Variants in UGT1A8 observed in about 807,000 individuals in gnomAD.
UGT1A8 encodes UDP-glucuronosyltransferase 1A8.
A neutral mutation model predicts 45.3 loss-of-function variants in UGT1A8; 39 were observed. That is an observed-to-expected ratio of 0.86 (90% CI 0.67 to 1.12). The LOEUF is 1.12. Ranked by LOEUF, UGT1A8 falls within the 50% of genes most tolerant of loss-of-function variation. The pLI, the probability that UGT1A8 is intolerant of heterozygous loss-of-function variation, is 0.00. For synonymous variants in UGT1A8, 275 were observed against 249.2 expected (o/e 1.10, Z -0.97); for missense variants, 719 against 664.9 (o/e 1.08, Z -0.90).
chr2:233,618,555 T>C lies in UGT1A8; in HGVS notation c.848T>C (p.Leu283Ser). 6.2e-7 allele frequency: 1 copy of C among 1,613,102 alleles called. No individual in the cohort carries two copies. Among genetic ancestry groups the C allele is most frequent in the Non-Finnish European group, 8.5e-7 (1 of 1,179,178 alleles). ...ATCAACTGCCATCAGGGAAAGCCATTGCCTATGGTAAGTCACCTCTCCTTT... is the reference window on the plus strand; with the variant it reads ...ATCAACTGCCATCAGGGAAAGCCATCGCCTATGGTAAGTCACCTCTCCTTT... ...GGINCHQGKP[L>S]PMEFEAYINA... The change falls in exon 1 of 5, where the codon TTG (leucine) becomes TCG (serine). Residue 283 changes from leucine to serine, a missense_variant. Coordinates refer to ENST00000373450, the MANE Select transcript of UGT1A8 (RefSeq NM_019076.5).
chr2:233,647,348 T>C (rs1330969749), intron 1 of UGT1A8, among the ~76,000 whole-genome samples: 2 of 152,240 alleles, frequency 1.3e-5, no homozygotes, highest in Non-Finnish European at 2.9e-5. Flanking sequence ...GTAGTTTTTG[T>C]ATCTTGTCAC....
At chr2:233,667,583 G>C (rs1282144662) in intron 1 of UGT1A8, among the ~76,000 whole-genome samples, 3 of 152,168 alleles carry the variant, frequency 2.0e-5, no homozygotes, top group Non-Finnish European at 4.4e-5. Flanking sequence ...ACTACCATCA[G>C]AGTGAACAGG....
chr2:233,690,776 TAC>T (rs34459843), intron 1 of UGT1A8: 249,360 of 961,196 alleles, frequency 0.26, 14,017 homozygotes, highest in African/African-American at 0.41. Flanking sequence ...CACACACACA[TAC>T]ACACACACAC....
intron 1 of UGT1A8, among the ~76,000 whole-genome samples, chr2:233,714,471 G>A (rs4663945): frequency 0.089 from 13,512 of 152,132 alleles, 752 homozygotes; most frequent in East Asian, 0.2. Flanking sequence ...ATTGTAATAG[G>A]AGAATGTTTC....
chr2:233,729,390 A>T (rs1190796582), intron 1 of UGT1A8: 1 of 1,613,904 alleles, frequency 6.2e-7, no homozygotes, highest in East Asian at 2.2e-5. Flanking sequence ...CCCAGGATGA[A>T]TTTGATCGCC....
At chr2:233,646,538 C>A (rs767962465) in intron 1 of UGT1A8, among the ~76,000 whole-genome samples, 8 of 152,182 alleles carry the variant, frequency 5.3e-5, no homozygotes, top group Non-Finnish European at 1.0e-4. Flanking sequence ...TTAAAAATTT[C>A]TCACACCAGT....
chr2:233,686,836 A>G (rs751919784), intron 1 of UGT1A8, among the ~76,000 whole-genome samples: 32 of 151,862 alleles, frequency 2.1e-4, no homozygotes, highest in Non-Finnish European at 1.0e-4. Flanking sequence ...CCTCTTTTCT[A>G]TCTCCTTCCC....
intron 1 of UGT1A8, chr2:233,712,902 G>T: frequency 4.3e-6 from 7 of 1,609,502 alleles, no homozygotes; most frequent in Non-Finnish European, 5.9e-6. Context: ...TTTGCTAGGT[G>T]TCTCAGTGAC....
rs367606596 is a variant in UGT1A8 at position 233,687,017 on chromosome 2, A to C, written c.855+68455A>C. Among the ~76,000 whole-genome samples, 81 of 152,288 alleles carry C rather than the reference A, an allele frequency of 5.3e-4. 1 individual carries two copies. In the East Asian group the frequency reaches 7.7e-3, roughly 15 times the overall value. Reference sequence around the variant, plus strand: ...GGTTTCAACACTAGAGGACTTTAGGAGGTGGTTCAATGTAGTGTTTGAGCA... The same window carrying C: ...GGTTTCAACACTAGAGGACTTTAGGCGGTGGTTCAATGTAGTGTTTGAGCA... On this transcript the variant is annotated intron_variant, in intron 1 of 4. Transcript: ENST00000373450.
At chr2:233,677,834 TA>T (rs139390163) in intron 1 of UGT1A8, among the ~76,000 whole-genome samples, 2 of 151,918 alleles carry the variant, frequency 1.3e-5, no homozygotes, top group Middle Eastern at 3.4e-3. Flanking sequence ...TAGATATATG[TA>T]AAAAAAATCG....
chr2:233,713,530 T>C (rs1170777444), intron 1 of UGT1A8: 2 of 1,613,964 alleles, frequency 1.2e-6, no homozygotes, highest in Non-Finnish European at 1.7e-6. Context: ...CCATGTGATT[T>C]AGACTTTAAG....
At chr2:233,637,739 A>G (rs2125460191) in intron 1 of UGT1A8, among the ~76,000 whole-genome samples, 1 of 152,338 alleles carries the variant, frequency 6.6e-6, no homozygotes, top group African/African-American at 2.4e-5. Flanking sequence ...TTTCATTGAA[A>G]AAAAGTATTT....
chr2:233,633,804 C>A (rs987932382), intron 1 of UGT1A8, among the ~76,000 whole-genome samples: 5 of 151,938 alleles, frequency 3.3e-5, no homozygotes, highest in Non-Finnish European at 7.4e-5. Context: ...GTGTCTCTAT[C>A]TCCTTCAGTT....
At chr2:233,739,831 CAT>C (rs1185061453) in intron 1 of UGT1A8, among the ~76,000 whole-genome samples, 1 of 151,958 alleles carries the variant, frequency 6.6e-6, no homozygotes, top group Non-Finnish European at 1.5e-5. Context: ...TGTGAAAAGA[CAT>C]GAGATTTGGG....
rs760373903 is a variant in UGT1A8 at position 233,682,308 on chromosome 2, G to T, written c.855+63746G>T. ...ATTTTTGACTTATTTTTTTCAAATTGCAGGAGTTTGTTTAATGACCGAAAA... is the reference window on the plus strand; with the variant it reads ...ATTTTTGACTTATTTTTTTCAAATTTCAGGAGTTTGTTTAATGACCGAAAA... On this transcript the variant is annotated intron_variant, in intron 1 of 4. Coordinates refer to ENST00000373450, the MANE Select transcript of UGT1A8 (RefSeq NM_019076.5). The T allele has an allele frequency of 5.0e-6, 8 of 1,614,108 alleles. No homozygotes were observed. The South Asian group carries it at 8.8e-5, about 18-fold the overall frequency.
rs773612653 is a variant in UGT1A8 at position 233,729,922 on chromosome 2, C to A, written c.856-37112C>A. 11 of 1,614,018 alleles carry A rather than the reference C, an allele frequency of 6.8e-6. No individual in the cohort carries two copies. The South Asian group carries it at 9.9e-5, about 15-fold the overall frequency. ...CCGAGGGGACTTTGTGATGGACTAC[C>A]CCAGGCCAATCATGCCCAACATGGT... On this transcript the variant is annotated intron_variant, in intron 1 of 4. Transcript: ENST00000373450.
At chr2:233,711,745 G>A (rs991588620) in intron 1 of UGT1A8, among the ~76,000 whole-genome samples, 1 of 152,212 alleles carries the variant, frequency 6.6e-6, no homozygotes, top group Non-Finnish European at 1.5e-5. Flanking sequence ...GACACGGCCA[G>A]GCATGTAGAC....
intron 1 of UGT1A8, chr2:233,756,322 A>G (rs1437718635): frequency 6.6e-6 from 1 of 152,226 alleles, no homozygotes; most frequent in Non-Finnish European, 1.5e-5. Flanking sequence ...ATCCTCCTTT[A>G]AACCTCTAGT....
At chr2:233,678,445 AGGAGGT>A (rs1033924573) in intron 1 of UGT1A8, among the ~76,000 whole-genome samples, 18 of 152,184 alleles carry the variant, frequency 1.2e-4, no homozygotes, top group African/African-American at 4.1e-4. Context: ...GAAGAGGTAG[AGGAGGT>A]GGAAGTGGAG....
Sources: allele counts gnomAD v4.1 joint callset (sites outside exome capture counted in the v4.1 genomes callset), GRCh38; gene constraint gnomAD v4.1.1; transcripts MANE v1.5; gene names NCBI Gene and HGNC (gene_info 2026-07-23, HGNC 2026-07-21).